Variants in SEC11C observed in about 807,000 individuals in gnomAD.
The protein encoded by SEC11C is SEC11 homolog C, signal peptidase complex subunit.
In SEC11C, 10 loss-of-function variants were observed where a neutral mutation model predicts 21.9. The ratio of observed to expected loss-of-function variants is 0.46; its 90% CI spans 0.28 to 0.77. The LOEUF (loss-of-function observed/expected upper bound fraction) is 0.77, where lower values mean the gene tolerates loss of function less well. SEC11C is among the 30% of genes least tolerant of loss of function. SEC11C has a pLI of 0.12. For synonymous variants in SEC11C, 83 were observed against 85.6 expected (o/e 0.97, Z 0.17); for missense variants, 145 against 244.5 (o/e 0.59, Z 2.71).
intron 3 of SEC11C, among the ~76,000 whole-genome samples, chr18:59,155,097 A>G (rs2069404653): frequency 6.6e-6 from 1 of 152,162 alleles, no homozygotes; most frequent in Admixed American, 6.5e-5. Flanking sequence ...ACAAAAAACC[A>G]AATTGTTCCA....
At position 59,144,567 on chromosome 18, in the gene SEC11C, A is replaced by G. The variant is rs111470851; in HGVS notation, c.87+4532A>G. Among the ~76,000 whole-genome samples, 91 of 152,182 alleles carry G rather than the reference A, an allele frequency of 6.0e-4. 1 individual carries two copies. Among genetic ancestry groups the G allele is most frequent in the African/African-American group, 2.2e-3 (91 of 41,520 alleles). ...AAGACCCCATTTCTACCAAAGAAAA[A>G]AATTTAGAACTACCCAGGCATGCCA... is the stretch of plus-strand genomic sequence containing the variant. On this transcript the variant is annotated intron_variant, in intron 1 of 5. Coordinates refer to ENST00000587834, the MANE Select transcript of SEC11C (RefSeq NM_033280.4).
At chr18:59,140,789 T>G (rs1381593051) in intron 1 of SEC11C, among the ~76,000 whole-genome samples, 3 of 152,188 alleles carry the variant, frequency 2.0e-5, no homozygotes, top group Non-Finnish European at 1.5e-5. Context: ...AGCCACTTAT[T>G]GGCCATCATC....
chr18:59,152,428 A>G, intron 2 of SEC11C, 108 bp from the exon 3 acceptor site: 1 of 1,244,906 alleles, frequency 8.0e-7, no homozygotes, highest in South Asian at 2.0e-5. Context: ...GGCTCGTTTT[A>G]TAGCTCCTGA....
intron 4 of SEC11C, 153 bp downstream of exon 4, chr18:59,155,960 A>T (rs2069413532): frequency 2.4e-6 from 2 of 830,320 alleles, no homozygotes; most frequent in South Asian, 3.3e-5. Context: ...ACTAAATACA[A>T]CTTAGAAATT....
intron 2 of SEC11C, among the ~76,000 whole-genome samples, chr18:59,150,243 A>G (rs920335843): frequency 6.6e-6 from 1 of 152,226 alleles, no homozygotes; most frequent in African/African-American, 2.4e-5. Context: ...CTGTCGGTCC[A>G]GTGTGTCTTA....
In SEC11C at chr18:59,155,145, GGTT is replaced by G. The variant is rs533781790; in HGVS notation, c.348-539_348-537del. Among the ~76,000 whole-genome samples the G allele has an allele frequency of 1.4e-4, 22 of 152,292 alleles. 1 individual carries two copies. The highest frequency in any genetic ancestry group is 5.1e-4 in the African/African-American group (21 of 41,576). ...ATGAAAACAGTTCAAGTCCAACACA[GGTT>G]GTTAAACCAGCTTCATGACCTGACT... On this transcript the variant is annotated intron_variant, in intron 3 of 5. Coordinates refer to ENST00000587834, the MANE Select transcript of SEC11C (RefSeq NM_033280.4).
chr18:59,143,413 A>G (rs1296298188), intron 1 of SEC11C, among the ~76,000 whole-genome samples: 1 of 151,230 alleles, frequency 6.6e-6, no homozygotes, highest in African/African-American at 2.4e-5. Context: ...TTATTTTCCT[A>G]TTTTGATTTA....
intron 4 of SEC11C, 152 bp downstream of exon 4, chr18:59,155,959 A>G: frequency 1.2e-6 from 1 of 845,078 alleles, no homozygotes; most frequent in Non-Finnish European, 1.8e-6. Flanking sequence ...GACTAAATAC[A>G]ACTTAGAAAT....
Position 59,150,001 on chromosome 18 carries a change from A to G in SEC11C, c.197+379A>G, listed in dbSNP as rs567424293. ...ACAGGCAGAGAGAGCCTGTATCCCC[A>G]GTGCGTAGCATTGTGTCTAGTATTT... On this transcript the variant is annotated intron_variant, in intron 2 of 5. Transcript: ENST00000587834. Among the ~76,000 whole-genome samples the G allele has an allele frequency of 2.0e-5, 3 of 152,116 alleles. No homozygotes were observed. In the South Asian group the frequency reaches 6.2e-4, roughly 32 times the overall value.
intron 5 of SEC11C, 59 bp downstream of exon 5, chr18:59,157,724 C>A: frequency 8.4e-7 from 1 of 1,189,070 alleles, no homozygotes; most frequent in Admixed American, 1.7e-5. Flanking sequence ...GCTTTTACTT[C>A]TGCAACTGTA....
intron 1 of SEC11C, among the ~76,000 whole-genome samples, chr18:59,149,109 A>G (rs1053422851): frequency 6.6e-6 from 1 of 152,210 alleles, no homozygotes; most frequent in Admixed American, 6.5e-5. Context: ...GTGAATCCAC[A>G]GTGTGTGGAT....
At chr18:59,140,857 A>G (rs1213955918) in intron 1 of SEC11C, among the ~76,000 whole-genome samples, 1 of 152,134 alleles carries the variant, frequency 6.6e-6, no homozygotes, top group Non-Finnish European at 1.5e-5. Context: ...GGGATTGGAA[A>G]GGAAGCCCTC....
chr18:59,142,812 T>C (rs996841915), intron 1 of SEC11C, among the ~76,000 whole-genome samples: 2 of 152,156 alleles, frequency 1.3e-5, no homozygotes, highest in Non-Finnish European at 2.9e-5. Context: ...TATTCTTCAT[T>C]TGATGAGGGA....
chr18:59,141,561 G>C (rs1480952315), intron 1 of SEC11C, among the ~76,000 whole-genome samples: 1 of 152,178 alleles, frequency 6.6e-6, no homozygotes, highest in Admixed American at 6.5e-5. Context: ...TCAGCGATAA[G>C]GCCTGCCAGT....
intron 2 of SEC11C, among the ~76,000 whole-genome samples, chr18:59,150,195 A>G (rs4940846): frequency 0.25 from 37,503 of 152,122 alleles, 4,769 homozygotes; most frequent in South Asian, 0.29. Flanking sequence ...TTTGAAATCA[A>G]ATGGCCGTGT....
At chr18:59,147,322 A>G (rs1603377000) in intron 1 of SEC11C, 1 of 152,256 alleles carries the variant, frequency 6.6e-6, no homozygotes, top group African/African-American at 2.4e-5. Context: ...GCCCAGAGCC[A>G]CGTGATCCAG....
At chr18:59,158,090 C>T (rs888907731) in intron 5 of SEC11C, among the ~76,000 whole-genome samples, 4 of 152,082 alleles carry the variant, frequency 2.6e-5, no homozygotes, top group African/African-American at 9.7e-5. Flanking sequence ...GAATCTGGCT[C>T]TGTTGCTCAG....
Position 59,152,630 on chromosome 18 carries a change from A to T in SEC11C, c.292A>T (p.Lys98Ter). ...CAGAGCTGGTGAAATAGTTGTTTTT[A>T]AAGTTGAAGGACGAGACATTCCAAT... ...PIRAGEIVVF[K>*]VEGRDIPIVH... The change falls in exon 3 of 6, where the codon AAA (lysine) becomes TAA (stop). Residue 98 changes from lysine (K) to a stop codon, truncating the protein, a stop_gained. Transcript: ENST00000587834. LOFTEE classifies it high-confidence loss of function. The T allele has an allele frequency of 6.2e-7, 1 of 1,613,706 alleles. No homozygotes were observed. Among genetic ancestry groups the T allele is most frequent in the South Asian group, 1.1e-5 (1 of 90,974 alleles).
chr18:59,145,867 C>G (rs1013223630), intron 1 of SEC11C, among the ~76,000 whole-genome samples: 1 of 152,162 alleles, frequency 6.6e-6, no homozygotes, highest in African/African-American at 2.4e-5. Flanking sequence ...CTGCAGTATT[C>G]AGTACAGTAG....
Sources: allele counts gnomAD v4.1 joint callset (sites outside exome capture counted in the v4.1 genomes callset), GRCh38; gene constraint gnomAD v4.1.1; transcripts MANE v1.5; gene names NCBI Gene and HGNC (gene_info 2026-07-23, HGNC 2026-07-21).